The following ALS2CL variants were observed in gnomAD, a reference collection of about 807,000 sequenced individuals.
ALS2CL encodes the protein ALS2 C-terminal like, also known as ALS2 C-terminal-like protein.
ALS2CL carries 112 observed loss-of-function variants against 127.9 expected under a neutral mutation model. That is an observed-to-expected ratio of 0.88 (90% CI 0.75 to 1.02). The LOEUF (loss-of-function observed/expected upper bound fraction) is 1.02. Among genes scored for constraint, ALS2CL ranks in the 50% least tolerant of loss-of-function variants. The pLI is 0.00. For missense variants in ALS2CL, 1,174 were observed against 1,236.7 expected (o/e 0.95, Z 0.76); for synonymous variants, 519 against 527.6 (o/e 0.98, Z 0.22).
At chr3:46,677,743 A>T (rs1160465499) in intron 16 of ALS2CL, among the ~76,000 whole-genome samples, 1 of 152,210 alleles carries the variant, frequency 6.6e-6, no homozygotes, top group Non-Finnish European at 1.5e-5. Context: ...CTGTTTTCCA[A>T]GGAGGAACTC....
chr3:46,678,144 C>T, intron 16 of ALS2CL, 115 bp downstream of exon 16: 1 of 1,213,082 alleles, frequency 8.2e-7, no homozygotes, highest in Non-Finnish European at 1.1e-6. Context: ...TCGGAACTCT[C>T]TAGAGGGCTA....
intron 4 of ALS2CL, among the ~76,000 whole-genome samples, chr3:46,687,366 C>T (rs1699869730): frequency 6.6e-6 from 1 of 152,260 alleles, no homozygotes; most frequent in African/African-American, 2.4e-5. Flanking sequence ...ACCATCCACC[C>T]TGAAGGGATT....
At chr3:46,692,144 G>C (rs1029441968) in intron 1 of ALS2CL, among the ~76,000 whole-genome samples, 1 of 152,196 alleles carries the variant, frequency 6.6e-6, no homozygotes, top group African/African-American at 2.4e-5. Context: ...GTTGGGGGAA[G>C]GCCGCAGTGG....
rs115324863 is a variant in ALS2CL, at chr3:46,674,035, G to A, written c.2429+531C>T. ...CTGAGGGTGGAAGGGAGGCCCTGGGGTGTGGTAAACACCTCCCGACATGCA... is the reference window on the plus strand; with the variant it reads ...CTGAGGGTGGAAGGGAGGCCCTGGGATGTGGTAAACACCTCCCGACATGCA... On this transcript the variant is annotated intron_variant, in intron 21 of 25. Transcript: ENST00000318962. Among the ~76,000 whole-genome samples the A allele has an allele frequency of 3.0e-3, 457 of 152,294 alleles. 1 individual carries two copies. The highest frequency in any genetic ancestry group is 0.01 in the African/African-American group (433 of 41,562).
At chr3:46,674,454 A>T in intron 21 of ALS2CL, 112 bp downstream of exon 21, 2 of 1,374,098 alleles carry the variant, frequency 1.5e-6, no homozygotes, top group Non-Finnish European at 2.0e-6. Context: ...GCATAAGCTT[A>T]GAACTTGGTG....
chr3:46,681,373 G>A lies in ALS2CL; in HGVS notation c.1309C>T (p.Gln437Ter), dbSNP rs749460743. The A allele has an allele frequency of 6.2e-7, 1 of 1,608,324 alleles. No individual in the cohort carries two copies. Among genetic ancestry groups the A allele is most frequent in the Admixed American group, 1.7e-5 (1 of 59,798 alleles). ...CCAAATCCGTGCCGCAGGCCCTCCT[G>A]GAAGTAGCCCTTGTACACCTCGTCG... ...STDEVYKGYF[Q>*]EGLRHGFGVL... is the part of the protein sequence containing the mutation. The change falls in exon 13 of 26, where the codon CAG (glutamine) becomes TAG (stop). Residue 437 changes from glutamine (Q) to a stop codon, truncating the protein, a stop_gained. Transcript: ENST00000318962. LOFTEE classifies it high-confidence loss of function. The surrounding 1 kb of genome is among the most constrained non-coding windows in gnomAD (Gnocchi z 4.9).
rs927786291 is a variant in ALS2CL at position 46,686,264 on chromosome 3, A to G, written c.666+44T>C. The G allele has an allele frequency of 6.4e-7, 1 of 1,563,728 alleles. No homozygotes were observed. The highest frequency in any genetic ancestry group is 1.4e-5 in the African/African-American group (1 of 73,568). Reference sequence around the variant, plus strand: ...AAGCCCCCCAACATCTCCATGCCCAATGTGGAACCCCCTCCCTAACTGCCC... The same window carrying G: ...AAGCCCCCCAACATCTCCATGCCCAGTGTGGAACCCCCTCCCTAACTGCCC... On this transcript the variant is annotated intron_variant, in intron 6 of 25. Transcript: ENST00000318962. This position sits in a 1 kb window ranked among gnomAD's most constrained non-coding sequence, Gnocchi z 4.3.
chr3:46,676,503 G>C, intron 18 of ALS2CL, 101 bp from the exon 19 acceptor site: 7 of 1,560,532 alleles, frequency 4.5e-6, no homozygotes, highest in Non-Finnish European at 6.1e-6. Flanking sequence ...TCATACACGA[G>C]AACACTGAGG....
chr3:46,680,743 G>A (rs1387574911), intron 13 of ALS2CL: 3 of 588,196 alleles, frequency 5.1e-6, no homozygotes, highest in Non-Finnish European at 9.1e-6. Context: ...GCCTGGGAAG[G>A]GCATCTGGGA....
chr3:46,679,414 C>T lies in ALS2CL; in HGVS notation c.1549-127G>A, dbSNP rs917695136. On this transcript the variant is annotated intron_variant, in intron 14 of 25. Coordinates refer to ENST00000318962, the MANE Select transcript of ALS2CL (RefSeq NM_147129.5). The stretch of plus-strand genomic sequence containing the variant: ...ACATGGCGAGAGGGGCCCTGAGCCT[C>T]ATCACGCCCCACAGGACTGTACCTA... 2.2e-5 allele frequency: 18 copies of T among 800,170 alleles called. No individual in the cohort carries two copies. In the African/African-American group the frequency reaches 2.6e-4, roughly 11 times the overall value. The allele number at this position is 800,170 out of a possible 1,614,324, so 49.6% of individuals were successfully genotyped here. A position where few individuals can be genotyped will look rare whatever the true frequency, so the allele number is the denominator to read the frequency against.
At chr3:46,692,456 G>A (rs533089379) in intron 1 of ALS2CL, among the ~76,000 whole-genome samples, 1 of 152,092 alleles carries the variant, frequency 6.6e-6, no homozygotes, top group South Asian at 2.1e-4. Flanking sequence ...GTGACAGGCT[G>A]TGCCTAATGT....
rs1166659978 is a variant in ALS2CL, at chr3:46,681,764, C to T, written c.1176-166G>A. The stretch of plus-strand genomic sequence containing the variant: ...ATCCTTCAAAGGGCCCCTCTCAGGA[C>T]CCCTCCCTCCAGCCTGGTCCCGAGC... On this transcript the variant is annotated intron_variant, in intron 11 of 25. Coordinates refer to ENST00000318962, the MANE Select transcript of ALS2CL (RefSeq NM_147129.5). The surrounding 1 kb of genome is among the most constrained non-coding windows in gnomAD (Gnocchi z 4.9). 6.6e-6 allele frequency among the ~76,000 whole-genome samples: 1 copy of T among 152,158 alleles called. No individual in the cohort carries two copies. Among genetic ancestry groups the T allele is most frequent in the African/African-American group, 2.4e-5 (1 of 41,436 alleles).
intron 1 of ALS2CL, 93 bp from the exon 2 acceptor site, chr3:46,689,558 G>T: frequency 1.3e-6 from 1 of 778,524 alleles, no homozygotes; most frequent in Non-Finnish European, 2.0e-6. Context: ...CAAGGTCCAT[G>T]ACCACCCACA....
At position 46,683,201 on chromosome 3, in the gene ALS2CL, G is replaced by T; in HGVS notation, c.1038C>A (p.Thr346=). The change falls in exon 10 of 26, where the codon ACC becomes ACA. Residue 346 remains threonine (T), a synonymous_variant. Coordinates refer to ENST00000318962, the MANE Select transcript of ALS2CL (RefSeq NM_147129.5). ...QPPDCRCAEY[T]FQAEGRLCQA... ...GGCAGAGCCGGCCCTCTGCCTGGAA[G>T]GTATATTCTGCGCAGCGGCAGTCGG... The T allele has an allele frequency of 1.9e-6, 3 of 1,608,960 alleles. No homozygotes were observed. The highest frequency in any genetic ancestry group is 2.5e-6 in the Non-Finnish European group (3 of 1,177,408).
Position 46,681,178 on chromosome 3 carries a change from C to G in ALS2CL, c.1436+68G>C. 2 of 1,606,462 alleles carry G rather than the reference C, an allele frequency of 1.2e-6. No individual in the cohort carries two copies. The highest frequency in any genetic ancestry group is 1.7e-6 in the Non-Finnish European group (2 of 1,173,952). On this transcript the variant is annotated intron_variant, in intron 13 of 25. Transcript: ENST00000318962. This position sits in a 1 kb window ranked among gnomAD's most constrained non-coding sequence, Gnocchi z 4.9. Reference sequence around the variant, plus strand: ...GGGACAAACAGGAGCCTGTGTCCTGCAACAATCTGGTCTGTGAGGGCCCGG... The same window carrying G: ...GGGACAAACAGGAGCCTGTGTCCTGGAACAATCTGGTCTGTGAGGGCCCGG...
At chr3:46,679,375 A>ACACC in intron 14 of ALS2CL, 88 bp from the exon 15 acceptor site, 4 of 1,186,918 alleles carry the variant, frequency 3.4e-6, no homozygotes, top group South Asian at 1.4e-5. Context: ...CAAAGAAGGG[A>ACACC]GATGTGCCCT....
chr3:46,680,428 A>C lies in ALS2CL; in HGVS notation c.1548+2T>G. 1 of 1,612,574 alleles carries C rather than the reference A, an allele frequency of 6.2e-7. No individual in the cohort carries two copies. Among genetic ancestry groups the C allele is most frequent in the Non-Finnish European group, 8.5e-7 (1 of 1,179,730 alleles). On this transcript the variant is annotated splice_donor_variant, in intron 14 of 25. Transcript: ENST00000318962. LOFTEE classifies it high-confidence loss of function. ...GGATAGCCCAGGATACACTCCACTC[A>C]CCACCGTCTTGTCCGCCTGGAAGGT... is the stretch of plus-strand genomic sequence containing the variant.
In ALS2CL at chr3:46,687,020, A is replaced by G; in HGVS notation, c.497T>C (p.Val166Ala). 1 of 1,604,550 alleles carries G rather than the reference A, an allele frequency of 6.2e-7. No individual in the cohort carries two copies. The highest frequency in any genetic ancestry group is 1.7e-4 in the Middle Eastern group (1 of 6,024). Reference protein sequence around the residue: ...QPLAHHVQQYVLLLLSLGDTI... With the variant: ...QPLAHHVQQYALLLLSLGDTI... ...GTCCCCGAGGCTCAGCAGGAGGAGC[A>G]CGTACTGTTGCACGTGATGGGCGAG... The change falls in exon 5 of 26, where the codon GTG becomes GCG. Residue 166 changes from valine to alanine, a missense_variant. Val to Ala is a moderately conservative substitution (Grantham distance 64, BLOSUM62 0). Transcript: ENST00000318962.
chr3:46,680,454 G>A lies in ALS2CL; in HGVS notation c.1524C>T (p.Gly508=), dbSNP rs148349580. 1.4e-5 allele frequency: 23 copies of A among 1,613,330 alleles called. No individual in the cohort carries two copies. In the Admixed American group the frequency reaches 1.8e-4, roughly 13 times the overall value. Reference sequence around the variant, plus strand: ...CCACCGTCTTGTCCGCCTGGAAGGTGCCCTGGTAGCAGACACCTGCCTGGG... The same window carrying A: ...CCACCGTCTTGTCCGCCTGGAAGGTACCCTGGTAGCAGACACCTGCCTGGG... ...MVTQAGVCYQ[G]TFQADKTVGP... Residue 508 remains glycine (G), a synonymous_variant, in exon 14 of 26, where the codon GGC becomes GGT. Transcript: ENST00000318962.
Sources: gnomAD v4.1 joint callset for allele counts (sites outside exome capture counted in the v4.1 genomes callset) on GRCh38, gnomAD v4.1.1 for gene constraint, Gnocchi (gnomAD v3.1) non-coding constraint, MANE v1.5 for transcripts, NCBI Gene and HGNC (gene_info 2026-07-23, HGNC 2026-07-21) for gene names.